Variants in ZNF469 observed in about 807,000 individuals in gnomAD.
ZNF469 encodes zinc finger protein 469.
ZNF469 carries 1 observed loss-of-function variant against 1.0 expected under a neutral mutation model. That is an observed-to-expected ratio of 1.00 (90% CI 0.35 to 4.73). The LOEUF (loss-of-function observed/expected upper bound fraction) is 4.73, where lower values mean the gene tolerates loss of function less well. ZNF469 is among the 30% of genes most tolerant of loss of function. ZNF469 has a pLI of 0.16. For synonymous variants in ZNF469, 2,703 were observed against 2,363.4 expected, an observed-to-expected ratio of 1.14 and a Z score of -4.17; for missense variants, 6,100 against 5,356.3, an observed-to-expected ratio of 1.14 and a Z score of -4.33.
chr16:88,274,516 C>T, the ZNF469 span, among the ~76,000 whole-genome samples: 1 of 152,248 alleles, frequency 6.6e-6, no homozygotes, highest in Non-Finnish European at 1.5e-5. Flanking sequence ...AGTTTCACAA[C>T]AGATCAGCCC....
the ZNF469 span, among the ~76,000 whole-genome samples, chr16:88,361,442 C>G: frequency 6.6e-6 from 1 of 152,198 alleles, no homozygotes; most frequent in Admixed American, 6.5e-5. Context: ...AATGAAAACA[C>G]CAAATCAGAG....
the ZNF469 span, among the ~76,000 whole-genome samples, chr16:88,245,035 C>T: frequency 6.6e-6 from 1 of 151,996 alleles, no homozygotes; most frequent in Non-Finnish European, 1.5e-5. Flanking sequence ...CACTCCTGAG[C>T]AGCAGGACAC....
At chr16:88,192,643 A>G in the ZNF469 span, among the ~76,000 whole-genome samples, 29 of 152,312 alleles carry the variant, frequency 1.9e-4, no homozygotes, top group East Asian at 2.7e-3. Flanking sequence ...GAGTCATCAC[A>G]TGATGATGGC....
the ZNF469 span, among the ~76,000 whole-genome samples, chr16:88,272,870 G>C: frequency 4.7e-5 from 7 of 149,324 alleles, no homozygotes; most frequent in Non-Finnish European, 8.9e-5. Flanking sequence ...GGATGAATGG[G>C]TGGGTGTGTG....
the ZNF469 span, among the ~76,000 whole-genome samples, chr16:88,354,935 G>A: frequency 1.3e-5 from 2 of 152,228 alleles, no homozygotes; most frequent in African/African-American, 4.8e-5. Context: ...TCCAGTGGGG[G>A]CAGGGGGCTG....
the ZNF469 span, among the ~76,000 whole-genome samples, chr16:88,230,836 C>T: frequency 1.1e-4 from 17 of 152,190 alleles, no homozygotes; most frequent in African/African-American, 1.9e-4. Context: ...TCCCTGGCCC[C>T]GTGGCCTCTC....
the ZNF469 span, among the ~76,000 whole-genome samples, chr16:88,336,545 G>A: frequency 7.0e-6 from 1 of 143,746 alleles, no homozygotes; most frequent in Non-Finnish European, 1.5e-5. Context: ...AGACACTGAT[G>A]TGCCAATACC....
At chr16:88,354,098 A>C in the ZNF469 span, among the ~76,000 whole-genome samples, 1 of 152,222 alleles carries the variant, frequency 6.6e-6, no homozygotes, top group Non-Finnish European at 1.5e-5. Context: ...AGTTTCACAA[A>C]CAGTGGGTAC....
chr16:88,193,755 C>T, the ZNF469 span: 2 of 152,262 alleles, frequency 1.3e-5, no homozygotes, highest in African/African-American at 4.8e-5. Context: ...ACAGAAGTTT[C>T]TTTCTCATAG....
chr16:88,312,322 C>T, the ZNF469 span, among the ~76,000 whole-genome samples: 4 of 152,338 alleles, frequency 2.6e-5, no homozygotes, highest in East Asian at 5.8e-4. Flanking sequence ...AGCCTGTTCT[C>T]ATGTGGTTAT....
At chr16:88,371,815 A>G in the ZNF469 span, among the ~76,000 whole-genome samples, 2 of 152,110 alleles carry the variant, frequency 1.3e-5, no homozygotes, top group Admixed American at 1.3e-4. Flanking sequence ...CATCATCACC[A>G]TCACTATCAT....
At chr16:88,369,812 C>T in the ZNF469 span, among the ~76,000 whole-genome samples, 9 of 152,328 alleles carry the variant, frequency 5.9e-5, no homozygotes, top group Admixed American at 1.3e-4. Context: ...AGGCCACCCC[C>T]GCGACCCCCA....
the ZNF469 span, among the ~76,000 whole-genome samples, chr16:88,287,842 G>A: frequency 1.4e-4 from 22 of 152,256 alleles, no homozygotes; most frequent in Non-Finnish European, 2.2e-4. Context: ...TGGTGATCAC[G>A]TAGCTGTAAT....
At chr16:88,234,391 T>G in the ZNF469 span, among the ~76,000 whole-genome samples, 1 of 152,226 alleles carries the variant, frequency 6.6e-6, no homozygotes, top group African/African-American at 2.4e-5. Flanking sequence ...TGTGTGATCT[T>G]GAGGGGCAGG....
the ZNF469 span, among the ~76,000 whole-genome samples, chr16:88,366,943 T>C: frequency 2.0e-5 from 3 of 151,874 alleles, no homozygotes; most frequent in Admixed American, 6.6e-5. Context: ...TTATGAGCAA[T>C]AACAGTGCTA....
the ZNF469 span, among the ~76,000 whole-genome samples, chr16:88,344,822 G>A: frequency 1.1e-4 from 16 of 152,326 alleles, 2 homozygotes; most frequent in South Asian, 1.9e-3. Flanking sequence ...GTCGGAACCC[G>A]AGTCTCCTCC....
the ZNF469 span, among the ~76,000 whole-genome samples, chr16:88,329,287 G>A: frequency 1.1e-4 from 17 of 152,210 alleles, no homozygotes; most frequent in African/African-American, 2.9e-4. Flanking sequence ...CTGAGAACAC[G>A]GAGAAGCCCC....
the ZNF469 span, among the ~76,000 whole-genome samples, chr16:88,185,320 T>A: frequency 1.3e-5 from 2 of 151,976 alleles, no homozygotes; most frequent in African/African-American, 4.8e-5. Flanking sequence ...CAGTCACACA[T>A]TCACATACAC....
chr16:88,160,607 C>A, the ZNF469 span, among the ~76,000 whole-genome samples: 6 of 152,194 alleles, frequency 3.9e-5, no homozygotes, highest in African/African-American at 1.4e-4. Context: ...CTTTTCACAA[C>A]AACTTAGCTA....
Sources: gnomAD v4.1 joint callset for allele counts (sites outside exome capture counted in the v4.1 genomes callset) on GRCh38, gnomAD v4.1.1 for gene constraint, MANE v1.5 for transcripts, NCBI Gene and HGNC (gene_info 2026-07-23, HGNC 2026-07-21) for gene names.